SEMA3C: variants seen among roughly 807,000 people sequenced by gnomAD.
SEMA3C encodes semaphorin-3C.
In SEMA3C, 47 loss-of-function variants were observed where a neutral mutation model predicts 89.4. The ratio of observed to expected loss-of-function variants is 0.53; its 90% CI spans 0.42 to 0.67. The LOEUF (loss-of-function observed/expected upper bound fraction) is 0.67. SEMA3C is among the 30% of genes least tolerant of loss of function. SEMA3C has a pLI of 0.00. For synonymous variants in SEMA3C, 310 were observed against 320.2 expected (o/e 0.97, Z 0.34); for missense variants, 839 against 929.1 (o/e 0.90, Z 1.26).
chr7:80,777,919 T>C (rs1583868695), intron 12 of SEMA3C, among the ~76,000 whole-genome samples: 1 of 152,314 alleles, frequency 6.6e-6, no homozygotes, highest in East Asian at 1.9e-4. Flanking sequence ...AACAACAAAA[T>C]GTTCCCTTTT....
At chr7:80,771,246 TTGAC>T (rs1171073269) in intron 12 of SEMA3C, among the ~76,000 whole-genome samples, 3 of 152,326 alleles carry the variant, frequency 2.0e-5, no homozygotes, top group South Asian at 2.1e-4. Context: ...GTCACTTTCT[TTGAC>T]TGGCCCTCAA....
At chr7:80,908,270 T>C (rs1792060170) in intron 2 of SEMA3C, among the ~76,000 whole-genome samples, 1 of 152,200 alleles carries the variant, frequency 6.6e-6, no homozygotes, top group Non-Finnish European at 1.5e-5. Flanking sequence ...GTTACTGCTG[T>C]CTTAAAATCT....
At chr7:80,898,455 T>G (rs896195895) in intron 2 of SEMA3C, among the ~76,000 whole-genome samples, 1 of 152,146 alleles carries the variant, frequency 6.6e-6, no homozygotes. Context: ...CTGAATTCCA[T>G]ATATAATAAT....
chr7:80,781,410 ACT>A (rs1418757835), intron 12 of SEMA3C, among the ~76,000 whole-genome samples: 1 of 152,110 alleles, frequency 6.6e-6, no homozygotes, highest in African/African-American at 2.4e-5. Flanking sequence ...TTCCTCAGAA[ACT>A]CTGTTTTCAG....
At position 80,818,438 on chromosome 7, in the gene SEMA3C, A is replaced by G. The variant is rs762210644; in HGVS notation, c.328-20T>C. 3.1e-6 allele frequency: 5 copies of G among 1,607,568 alleles called. No individual in the cohort carries two copies. The highest frequency in any genetic ancestry group is 1.1e-5 in the South Asian group (1 of 90,866). Reference sequence around the variant, plus strand: ...GCCGTGCTAAAAGAATCAGTAAATAAGCAGTTAGTAACTCAATGACTTTCA... The same window carrying G: ...GCCGTGCTAAAAGAATCAGTAAATAGGCAGTTAGTAACTCAATGACTTTCA... On this transcript the variant is annotated intron_variant, in intron 4 of 17. Transcript: ENST00000265361.
intron 2 of SEMA3C, among the ~76,000 whole-genome samples, chr7:80,916,144 A>T (rs2116257969): frequency 6.6e-6 from 1 of 152,348 alleles, no homozygotes; most frequent in Non-Finnish European, 1.5e-5. Flanking sequence ...ATTTCCAATT[A>T]TTCTTTTAGG....
intron 13 of SEMA3C, among the ~76,000 whole-genome samples, chr7:80,763,396 T>A (rs1178117206): frequency 6.6e-6 from 1 of 152,212 alleles, no homozygotes; most frequent in East Asian, 1.9e-4. Context: ...ATTCAGTAAC[T>A]GTGTTTCCTG....
rs1221141955 is a variant in SEMA3C, at chr7:80,810,619, A to G, written c.530T>C (p.Val177Ala). The change falls in exon 6 of 18, where the codon GTT becomes GCT. Residue 177 changes from valine to alanine, a missense_variant. Physicochemically the swap from Val to Ala is moderately conservative, Grantham distance 64. Coordinates refer to ENST00000265361, the MANE Select transcript of SEMA3C (RefSeq NM_006379.5). Reference protein sequence around the residue: ...SFNPNVNTVSVMINEELFSGM... With the variant: ...SFNPNVNTVSAMINEELFSGM... Reference sequence around the variant, plus strand: ...TTTCGTTGTCTACTTACTGATCATAACAGACACCGTGTTCACGTTGGGGTT... The same window carrying G: ...TTTCGTTGTCTACTTACTGATCATAGCAGACACCGTGTTCACGTTGGGGTT... 4.3e-6 allele frequency: 7 copies of G among 1,613,182 alleles called. No homozygotes were observed. The highest frequency in any genetic ancestry group is 1.3e-5 in the African/African-American group (1 of 75,034).
Position 80,744,856 on chromosome 7 carries a change from AT to A in SEMA3C, c.*37del, listed in dbSNP as rs1787762367. The A allele has an allele frequency of 9.3e-6, 15 of 1,607,892 alleles. No homozygotes were observed. Among genetic ancestry groups the A allele is most frequent in the African/African-American group, 5.4e-5 (4 of 74,646 alleles). On this transcript the variant is annotated 3_prime_UTR_variant, in exon 18 of 18. Coordinates refer to ENST00000265361, the MANE Select transcript of SEMA3C (RefSeq NM_006379.5). The stretch of plus-strand genomic sequence containing the variant: ...AAAATTTGATCATTGAAGACAGAGC[AT>A]TTGTTAATGGAAGCATAAGACCCAC...
intron 2 of SEMA3C, among the ~76,000 whole-genome samples, chr7:80,891,507 T>C (rs1583984154): frequency 6.6e-6 from 1 of 151,620 alleles, no homozygotes; most frequent in African/African-American, 2.4e-5. Context: ...CATGGAGGGA[T>C]AGGAATCAGA....
intron 11 of SEMA3C, among the ~76,000 whole-genome samples, chr7:80,795,773 G>T (rs1471194081): frequency 3.9e-5 from 6 of 152,216 alleles, no homozygotes; most frequent in Non-Finnish European, 7.3e-5. Context: ...CTGATGAGAG[G>T]TAAGGTCAGA....
intron 2 of SEMA3C, among the ~76,000 whole-genome samples, chr7:80,887,418 A>G (rs1221244662): frequency 6.6e-6 from 1 of 152,150 alleles, no homozygotes; most frequent in Non-Finnish European, 1.5e-5. Context: ...GCCTCTCACT[A>G]TGGTTCTATC....
intron 11 of SEMA3C, 30 bp downstream of exon 11, chr7:80,798,062 C>A: frequency 1.9e-6 from 3 of 1,579,576 alleles, no homozygotes; most frequent in Non-Finnish European, 2.6e-6. Context: ...TATAAAGCAT[C>A]ATAACAAAGA....
At chr7:80,774,505 T>C (rs760340420) in intron 12 of SEMA3C, among the ~76,000 whole-genome samples, 90 of 151,898 alleles carry the variant, frequency 5.9e-4, no homozygotes, top group Admixed American at 2.3e-3. Flanking sequence ...GGAAAATTCA[T>C]TAAAGAAATA....
intron 2 of SEMA3C, among the ~76,000 whole-genome samples, chr7:80,912,802 T>C (rs1792182936): frequency 6.6e-6 from 1 of 152,184 alleles, no homozygotes; most frequent in South Asian, 2.1e-4. Flanking sequence ...CTGCTTTTAT[T>C]TTCATTTCTT....
At chr7:80,800,514 T>TTTTGATTTG (rs1289033004) in intron 10 of SEMA3C, among the ~76,000 whole-genome samples, 1 of 152,220 alleles carries the variant, frequency 6.6e-6, no homozygotes, top group East Asian at 1.9e-4. Context: ...TAATTCATTA[T>TTTTGATTTG]TTTGATTTGT....
At chr7:80,820,801 G>A (rs1306541269) in intron 4 of SEMA3C, among the ~76,000 whole-genome samples, 1 of 151,986 alleles carries the variant, frequency 6.6e-6, no homozygotes, top group East Asian at 1.9e-4. Context: ...CTATGTAAAG[G>A]GAATCTATGA....
intron 2 of SEMA3C, among the ~76,000 whole-genome samples, chr7:80,857,393 A>G (rs927475053): frequency 1.3e-5 from 2 of 152,192 alleles, no homozygotes; most frequent in Admixed American, 1.3e-4. Context: ...TAAAGTTTTA[A>G]AAAGGCAAGA....
At chr7:80,913,815 G>A (rs1792208133) in intron 2 of SEMA3C, among the ~76,000 whole-genome samples, 1 of 152,156 alleles carries the variant, frequency 6.6e-6, no homozygotes, top group African/African-American at 2.4e-5. Context: ...GTAAATCACT[G>A]TTTTACAAAT....
Sources: gnomAD v4.1 joint callset for allele counts (sites outside exome capture counted in the v4.1 genomes callset) on GRCh38, gnomAD v4.1.1 for gene constraint, MANE v1.5 for transcripts, NCBI Gene and HGNC (gene_info 2026-07-23, HGNC 2026-07-21) for gene names.